The following SORCS1 variants were observed in gnomAD, a reference collection of about 807,000 sequenced individuals.
The protein encoded by SORCS1 is sortilin related VPS10 domain containing receptor 1.
SORCS1 carries 60 observed loss-of-function variants against 146.1 expected under a neutral mutation model. The ratio of observed to expected loss-of-function variants is 0.41; its 90% CI spans 0.33 to 0.51. SORCS1 has a LOEUF of 0.51. Ranked by LOEUF, SORCS1 falls within the 20% of genes least tolerant of loss-of-function variation. The pLI is 0.21. For synonymous variants in SORCS1, 637 were observed against 584.0 expected (o/e 1.09, Z -1.31); for missense variants, 1,352 against 1,487.6 (o/e 0.91, Z 1.50).
At chr10:106,920,808 G>A (rs1013503929) in intron 2 of SORCS1, among the ~76,000 whole-genome samples, 17 of 152,070 alleles carry the variant, frequency 1.1e-4, no homozygotes, top group African/African-American at 4.1e-4. Context: ...GTGGTCTTAT[G>A]ACCTGGATGG....
At chr10:106,632,300 G>A (rs1330606036) in intron 18 of SORCS1, among the ~76,000 whole-genome samples, 3 of 152,156 alleles carry the variant, frequency 2.0e-5, no homozygotes, top group Non-Finnish European at 4.4e-5. Context: ...TCCTGCTGTC[G>A]CTTTCCACTA....
chr10:106,831,186 A>G (rs1948529136), intron 2 of SORCS1, among the ~76,000 whole-genome samples: 1 of 152,122 alleles, frequency 6.6e-6, no homozygotes, highest in African/African-American at 2.4e-5. Context: ...TCTTGTCCAG[A>G]GCAAGACTCC....
At chr10:107,176,257 C>CTTCT in the SORCS1 span, among the ~76,000 whole-genome samples, 1 of 150,744 alleles carries the variant, frequency 6.6e-6, no homozygotes, top group African/African-American at 2.4e-5. Context: ...TCCTTCCTTC[C>CTTCT]TTCCTTTTCT....
chr10:107,011,491 C>T (rs1213912185), intron 1 of SORCS1, among the ~76,000 whole-genome samples: 1 of 152,182 alleles, frequency 6.6e-6, no homozygotes, highest in Non-Finnish European at 1.5e-5. Context: ...TTTGCTTCTG[C>T]CCTGCAAGCT....
At chr10:106,751,808 T>C (rs1206408555) in intron 5 of SORCS1, among the ~76,000 whole-genome samples, 4 of 152,216 alleles carry the variant, frequency 2.6e-5, no homozygotes, top group Non-Finnish European at 5.9e-5. Context: ...CAAGCATGTG[T>C]AAATCTGATG....
At chr10:106,929,722 A>G (rs1390242482) in intron 2 of SORCS1, among the ~76,000 whole-genome samples, 2 of 152,116 alleles carry the variant, frequency 1.3e-5, no homozygotes, top group Non-Finnish European at 2.9e-5. Flanking sequence ...CAAGGTTCCT[A>G]TAACAAACAA....
chr10:106,661,833 C>T (rs1850753339), intron 17 of SORCS1, among the ~76,000 whole-genome samples: 1 of 152,234 alleles, frequency 6.6e-6, no homozygotes, highest in Admixed American at 6.5e-5. Flanking sequence ...CACTCTCAAT[C>T]CCTAACAGGC....
chr10:106,921,514 T>G (rs756357627), intron 2 of SORCS1, among the ~76,000 whole-genome samples: 1 of 152,242 alleles, frequency 6.6e-6, no homozygotes, highest in African/African-American at 2.4e-5. Flanking sequence ...CTCCTCTATT[T>G]GATTGAAGAG....
chr10:106,707,119 G>A (rs1397782478), intron 7 of SORCS1, among the ~76,000 whole-genome samples: 2 of 151,976 alleles, frequency 1.3e-5, no homozygotes, highest in Admixed American at 6.5e-5. Context: ...CAGGAGTGCT[G>A]GCATATTAGA....
chr10:106,674,883 G>T (rs926139990), intron 14 of SORCS1, among the ~76,000 whole-genome samples, 166 bp downstream of exon 14: 1 of 152,114 alleles, frequency 6.6e-6, no homozygotes, highest in African/African-American at 2.4e-5. Context: ...AGAGAACCAA[G>T]AAAATAGCTG....
rs558020717 is a variant in SORCS1, at chr10:106,889,187, A to G, written c.627-59514T>C. On this transcript the variant is annotated intron_variant, in intron 2 of 25. Transcript: ENST00000263054. ...CATCCTCTTCTCTGGTTCCCCAGGC[A>G]GCCAAAAGCTTGGCAGAAAGCTCAA... Among the ~76,000 whole-genome samples, 10 of 152,296 alleles carry G rather than the reference A, an allele frequency of 6.6e-5. No homozygotes were observed. The South Asian group carries it at 8.3e-4, about 13-fold the overall frequency.
chr10:106,579,521 G>T, intron 24 of SORCS1, 47 bp from the exon 25 acceptor site: 1 of 1,590,910 alleles, frequency 6.3e-7, no homozygotes, highest in Non-Finnish European at 8.6e-7. Context: ...GAACTGGGCA[G>T]GTGAGACTCT....
intron 3 of SORCS1, among the ~76,000 whole-genome samples, chr10:106,821,271 T>C (rs1230335646): frequency 2.0e-5 from 3 of 152,198 alleles, no homozygotes; most frequent in Non-Finnish European, 4.4e-5. Context: ...TTAATTTCAT[T>C]TGTTAAAAAG....
intron 3 of SORCS1, among the ~76,000 whole-genome samples, chr10:106,786,727 C>T (rs1279629289): frequency 6.6e-6 from 1 of 152,080 alleles, no homozygotes; most frequent in African/African-American, 2.4e-5. Flanking sequence ...TAAGTAACCA[C>T]AACTATCTTC....
intron 24 of SORCS1, among the ~76,000 whole-genome samples, chr10:106,594,900 T>C (rs1460704516): frequency 6.6e-6 from 1 of 152,222 alleles, no homozygotes; most frequent in Admixed American, 6.5e-5. Context: ...ACAGGCTCCA[T>C]GGTCTGATTA....
intron 18 of SORCS1, among the ~76,000 whole-genome samples, chr10:106,648,950 G>GC (rs1228327351): frequency 1.3e-5 from 2 of 152,098 alleles, no homozygotes; most frequent in East Asian, 3.9e-4. Context: ...GCACCAGCAT[G>GC]CCAGCAGGCC....
intron 19 of SORCS1, among the ~76,000 whole-genome samples, chr10:106,623,585 CTA>C (rs1366665392): frequency 6.0e-4 from 91 of 152,120 alleles, no homozygotes; most frequent in East Asian, 1.4e-3. Flanking sequence ...AGAACAATGC[CTA>C]TATGTCATTG....
intron 5 of SORCS1, among the ~76,000 whole-genome samples, chr10:106,734,229 G>A (rs1420188390): frequency 6.6e-6 from 1 of 152,142 alleles, no homozygotes; most frequent in Non-Finnish European, 1.5e-5. Flanking sequence ...TGAATTTTAT[G>A]GAAGGGAAAG....
intron 1 of SORCS1, among the ~76,000 whole-genome samples, chr10:107,132,134 A>G (rs994075596): frequency 1.7e-4 from 26 of 150,848 alleles, no homozygotes; most frequent in African/African-American, 6.3e-4. Context: ...TCTCTCTCTC[A>G]CCCTCTCTCC....
Sources: gnomAD v4.1 joint callset for allele counts (sites outside exome capture counted in the v4.1 genomes callset) on GRCh38, gnomAD v4.1.1 for gene constraint, MANE v1.5 for transcripts, NCBI Gene and HGNC (gene_info 2026-07-23, HGNC 2026-07-21) for gene names.